Variants in CDH18 observed in about 807,000 individuals in gnomAD.
The protein encoded by CDH18 is cadherin 18.
Under a neutral mutation model 67.9 loss-of-function variants are expected in CDH18, and 31 were observed. That is an observed-to-expected ratio of 0.46 (90% CI 0.34 to 0.62). CDH18 has a LOEUF of 0.62. CDH18 is among the 20% of genes least tolerant of loss of function. CDH18 has a pLI of 0.01. For missense variants in CDH18, 890 were observed against 975.5 expected (o/e 0.91, Z 1.17); for synonymous variants, 362 against 347.2 (o/e 1.04, Z -0.48).
chr5:20,099,972 G>A (rs963565542), intron 2 of CDH18, among the ~76,000 whole-genome samples: 2 of 152,018 alleles, frequency 1.3e-5, no homozygotes, highest in Non-Finnish European at 2.9e-5. Context: ...TTTTGGTAGA[G>A]GCAGGGTTTC....
chr5:19,637,150 C>A (rs941591351), intron 5 of CDH18, among the ~76,000 whole-genome samples: 2 of 148,290 alleles, frequency 1.3e-5, no homozygotes, highest in African/African-American at 5.2e-5. Context: ...TTCTTTCTTT[C>A]TTTTTCTTTC....
intron 2 of CDH18, among the ~76,000 whole-genome samples, chr5:19,959,795 A>G (rs1307206581): frequency 6.6e-6 from 1 of 152,124 alleles, no homozygotes; most frequent in Non-Finnish European, 1.5e-5. Context: ...ATTTGTGCTT[A>G]CACAAACCTA....
intron 1 of CDH18, among the ~76,000 whole-genome samples, chr5:20,344,303 A>G (rs1362776574): frequency 1.3e-5 from 2 of 152,104 alleles, no homozygotes; most frequent in Non-Finnish European, 2.9e-5. Flanking sequence ...CCCTCAACAG[A>G]CAGCTTCTCT....
chr5:19,875,439 GATC>G (rs1561488747), intron 2 of CDH18, among the ~76,000 whole-genome samples: 7 of 133,844 alleles, frequency 5.2e-5, no homozygotes, highest in Non-Finnish European at 3.0e-5. Flanking sequence ...TAGATAGATA[GATC>G]GATCGATCTA....
In CDH18 at chr5:20,019,089, G is replaced by A. The variant is rs1041279286; in HGVS notation, c.-517-27075C>T. On this transcript the variant is annotated intron_variant, in intron 2 of 14. Coordinates refer to the CDH18 transcript ENST00000507958. ...TGGGATTACAGGCGTGAGCCACCGC[G>A]CCCGGCCTAATAAGGCATTCTTAAT... Among the ~76,000 whole-genome samples, 17 of 142,370 alleles carry A rather than the reference G, an allele frequency of 1.2e-4. 1 individual carries two copies. The highest frequency in any genetic ancestry group is 9.3e-4 in the South Asian group (4 of 4,286). 93.4% of individuals were successfully genotyped at this position (142,370 alleles called of 152,430 possible).
At chr5:20,034,254 G>A (rs1033813230) in intron 2 of CDH18, among the ~76,000 whole-genome samples, 11 of 151,948 alleles carry the variant, frequency 7.2e-5, no homozygotes, top group Admixed American at 7.2e-4. Context: ...AGTGAAAGGG[G>A]ACTGTTACTC....
At chr5:19,957,060 T>C (rs1351884390) in intron 2 of CDH18, among the ~76,000 whole-genome samples, 1 of 151,964 alleles carries the variant, frequency 6.6e-6, no homozygotes, top group Non-Finnish European at 1.5e-5. Context: ...CTGGGAAAAA[T>C]TAAAATCTGT....
chr5:19,903,529 C>G (rs1790158722), intron 2 of CDH18, among the ~76,000 whole-genome samples: 1 of 63,242 alleles, frequency 1.6e-5, no homozygotes, highest in African/African-American at 5.2e-5. Flanking sequence ...AATAATGACT[C>G]TGTGTGTGTG....
chr5:19,934,538 A>C (rs1277009504), intron 2 of CDH18, among the ~76,000 whole-genome samples: 2 of 151,518 alleles, frequency 1.3e-5, no homozygotes, highest in Non-Finnish European at 3.0e-5. Flanking sequence ...AGCCTAAAGC[A>C]GGCCAGAGGA....
At chr5:20,065,986 A>G (rs566577326) in intron 2 of CDH18, among the ~76,000 whole-genome samples, 2 of 152,060 alleles carry the variant, frequency 1.3e-5, no homozygotes, top group Non-Finnish European at 1.5e-5. Context: ...AGATGGGACT[A>G]TTTTTATTGA....
At chr5:19,763,849 T>C (rs1772693600) in intron 3 of CDH18, among the ~76,000 whole-genome samples, 1 of 151,258 alleles carries the variant, frequency 6.6e-6, no homozygotes, top group Admixed American at 6.6e-5. Flanking sequence ...TGGAACGAAG[T>C]AAAAATATAG....
chr5:19,755,433 A>G (rs1341312665), intron 3 of CDH18, among the ~76,000 whole-genome samples: 3 of 8,982 alleles, frequency 3.3e-4, no homozygotes, highest in African/African-American at 3.9e-4. Flanking sequence ...CAGGGTATGT[A>G]TATATATATA....
rs1778332730 is a variant in CDH18 at position 19,808,850 on chromosome 5, A to G, written c.228+29909T>C. 1.3e-5 allele frequency among the ~76,000 whole-genome samples: 2 copies of G among 150,960 alleles called. 1 individual carries two copies. Among genetic ancestry groups the G allele is most frequent in the South Asian group, 4.2e-4 (2 of 4,808 alleles). On this transcript the variant is annotated intron_variant, in intron 3 of 12. Transcript: ENST00000382275. ...TCTGTCTCAAAAAAAAAAAAAAAAA[A>G]AAAAAGGAAAAGAAATAGAAAATCA...
At chr5:19,803,070 C>T (rs1581416542) in intron 3 of CDH18, among the ~76,000 whole-genome samples, 1 of 152,296 alleles carries the variant, frequency 6.6e-6, no homozygotes, top group East Asian at 1.9e-4. Flanking sequence ...TTACTCAGAG[C>T]CGGATTCTGT....
chr5:19,872,399 T>G (rs1277549141), intron 2 of CDH18, among the ~76,000 whole-genome samples: 3 of 152,140 alleles, frequency 2.0e-5, no homozygotes, highest in African/African-American at 7.2e-5. Context: ...TTTTACAAAT[T>G]TAATTGAGGT....
chr5:19,676,625 C>A (rs1485900570), intron 5 of CDH18, among the ~76,000 whole-genome samples: 2 of 151,888 alleles, frequency 1.3e-5, no homozygotes, highest in Non-Finnish European at 2.9e-5. Flanking sequence ...TCTCATGAGC[C>A]CAGGCGTGCA....
At chr5:19,989,506 A>C (rs965938419), upstream of CDH18, among the ~76,000 whole-genome samples, 4 of 152,182 alleles carry the variant, frequency 2.6e-5, no homozygotes, top group Non-Finnish European at 5.9e-5. Flanking sequence ...TAAAACCTGG[A>C]AGGCAATCCT....
intron 2 of CDH18, among the ~76,000 whole-genome samples, chr5:20,203,329 G>T (rs937669977): frequency 5.3e-5 from 8 of 152,144 alleles, no homozygotes; most frequent in African/African-American, 1.7e-4. Context: ...TGGAAACCCT[G>T]CCCTGTAACT....
intron 2 of CDH18, among the ~76,000 whole-genome samples, chr5:20,099,167 C>T (rs959863397): frequency 3.9e-5 from 6 of 152,158 alleles, no homozygotes; most frequent in African/African-American, 1.4e-4. Context: ...AAACAAAACA[C>T]TGTGTGAATA....
Sources: gnomAD v4.1 joint callset for allele counts (sites outside exome capture counted in the v4.1 genomes callset) on GRCh38, gnomAD v4.1.1 for gene constraint, MANE v1.5 for transcripts, NCBI Gene and HGNC (gene_info 2026-07-23, HGNC 2026-07-21) for gene names.